The following TTC28 variants were observed in gnomAD, a reference collection of about 807,000 sequenced individuals.
TTC28 encodes the protein tetratricopeptide repeat domain 28.
TTC28 carries 61 observed loss-of-function variants against 198.0 expected under a neutral mutation model. The ratio of observed to expected loss-of-function variants is 0.31; its 90% CI spans 0.25 to 0.38. TTC28 has a LOEUF of 0.38. Among genes scored for constraint, TTC28 ranks in the 10% least tolerant of loss-of-function variants. TTC28 has a pLI of 1.00. For missense variants in TTC28, 2,678 were observed against 3,164.0 expected (o/e 0.85, Z 3.69); for synonymous variants, 1,171 against 1,297.8 (o/e 0.90, Z 2.10).
Position 28,096,212 on chromosome 22 carries a change from G to A in TTC28, c.3744C>T (p.Ser1248=). ...TACCTGCCCCAGGAGCCAGCAGCCA[G>A]CTATACAGATAGCCTGCAGCCAGGG... The part of the protein sequence containing the change: ...YYSLAAGYLY[S]WLLAPGAGIV... Residue 1248 remains serine, a synonymous_variant, in exon 11 of 23, where the codon AGC becomes AGT. Transcript: ENST00000397906. 1.3e-6 allele frequency: 2 copies of A among 1,549,982 alleles called. No homozygotes were observed. The highest frequency in any genetic ancestry group is 1.7e-6 in the Non-Finnish European group (2 of 1,145,862).
At chr22:28,550,120 C>T (rs576674955) in intron 2 of TTC28, among the ~76,000 whole-genome samples, 1 of 151,982 alleles carries the variant, frequency 6.6e-6, no homozygotes. Flanking sequence ...ATAACATTTG[C>T]CATTTTCAAA....
chr22:28,481,922 A>G (rs982129502), intron 2 of TTC28, among the ~76,000 whole-genome samples: 79 of 152,210 alleles, frequency 5.2e-4, no homozygotes, highest in African/African-American at 1.8e-3. Context: ...GCTCTGTCAT[A>G]CAGTCAGTCA....
At chr22:28,139,703 C>T (rs1300930564) in intron 6 of TTC28, among the ~76,000 whole-genome samples, 1 of 149,898 alleles carries the variant, frequency 6.7e-6, no homozygotes, top group Non-Finnish European at 1.5e-5. Context: ...AGCTGAAGTT[C>T]CTTTTTTTTT....
chr22:28,186,544 A>G lies in TTC28; in HGVS notation c.934-22945T>C, dbSNP rs558306559. On this transcript the variant is annotated intron_variant, in intron 5 of 22. Transcript: ENST00000397906. ...GCTGTGAGTTCAGAGGACCATTTAA[A>G]TGTGCCTTAGTAATACATCTGTGAT... Among the ~76,000 whole-genome samples the G allele has an allele frequency of 2.0e-5, 3 of 152,320 alleles. No homozygotes were observed. In the South Asian group the frequency reaches 6.2e-4, roughly 32 times the overall value.
chr22:28,678,220 T>C (rs1056164582), intron 1 of TTC28, among the ~76,000 whole-genome samples: 11 of 152,206 alleles, frequency 7.2e-5, no homozygotes, highest in African/African-American at 2.7e-4. Context: ...TATGTATTTA[T>C]TTACTTATTT....
intron 2 of TTC28, among the ~76,000 whole-genome samples, chr22:28,544,633 C>T (rs970772437): frequency 1.3e-5 from 2 of 152,118 alleles, no homozygotes; most frequent in African/African-American, 4.8e-5. Context: ...GCACAAGACA[C>T]GGATCACAAA....
chr22:28,433,240 C>A (rs2047460077), intron 2 of TTC28, among the ~76,000 whole-genome samples: 1 of 152,172 alleles, frequency 6.6e-6, no homozygotes. Context: ...AATATACTGT[C>A]TATAAAACTG....
At chr22:28,589,822 G>A (rs573142805) in intron 2 of TTC28, among the ~76,000 whole-genome samples, 191 of 151,776 alleles carry the variant, frequency 1.3e-3, no homozygotes, top group African/African-American at 4.0e-3. Flanking sequence ...GGTAGATCAC[G>A]AGGTCAGGAG....
intron 2 of TTC28, among the ~76,000 whole-genome samples, chr22:28,468,493 C>A (rs977615588): frequency 6.6e-6 from 1 of 151,860 alleles, no homozygotes; most frequent in African/African-American, 2.4e-5. Context: ...TCATTTCTTT[C>A]ATACTTAAAA....
intron 2 of TTC28, among the ~76,000 whole-genome samples, chr22:28,489,253 C>T (rs937131316): frequency 4.0e-5 from 6 of 151,788 alleles, no homozygotes; most frequent in African/African-American, 1.2e-4. Context: ...CACTGCACTC[C>T]AGCCTGGGTG....
intron 1 of TTC28, among the ~76,000 whole-genome samples, chr22:28,657,784 C>T (rs567303330): frequency 1.4e-4 from 21 of 152,074 alleles, no homozygotes; most frequent in Middle Eastern, 3.4e-3. Context: ...GAGGCTGAGA[C>T]GTGAGAATCG....
chr22:28,646,334 A>C (rs2051466477), intron 1 of TTC28, among the ~76,000 whole-genome samples: 1 of 152,206 alleles, frequency 6.6e-6, no homozygotes, highest in African/African-American at 2.4e-5. Context: ...AATACATGGG[A>C]ATATACTTGA....
At chr22:28,247,230 T>C (rs1174498258) in intron 5 of TTC28, among the ~76,000 whole-genome samples, 1 of 152,186 alleles carries the variant, frequency 6.6e-6, no homozygotes, top group Non-Finnish European at 1.5e-5. Context: ...AAACAGATTG[T>C]ACAGTTTGTA....
At chr22:28,040,956 A>G (rs534538719) in intron 12 of TTC28, among the ~76,000 whole-genome samples, 5 of 152,322 alleles carry the variant, frequency 3.3e-5, no homozygotes, top group Non-Finnish European at 7.4e-5. Context: ...ACAAACAGCC[A>G]AATCTTGAGT....
rs1228186511 is a variant in TTC28, at chr22:27,981,819, T to C, written c.*402A>G. ...AGAAAAAGCTCTATTTGTATTTCTG[T>C]GTATAAAAGGTACTGCATATATACC... is the stretch of plus-strand genomic sequence containing the variant. On this transcript the variant is annotated 3_prime_UTR_variant, in exon 23 of 23. Coordinates refer to ENST00000397906, the MANE Select transcript of TTC28 (RefSeq NM_001145418.2). 1 of 166,812 alleles carries C rather than the reference T, an allele frequency of 6.0e-6. No homozygotes were observed. The highest frequency in any genetic ancestry group is 1.3e-5 in the Non-Finnish European group (1 of 78,486). The allele number at this position is 166,812 out of a possible 1,614,324, so 10.3% of individuals were successfully genotyped here.
chr22:28,606,439 GT>G (rs2050737407), intron 2 of TTC28, among the ~76,000 whole-genome samples: 1 of 152,118 alleles, frequency 6.6e-6, no homozygotes, highest in Admixed American at 6.6e-5. Flanking sequence ...TAAAAAGTAT[GT>G]AGGGGTATGT....
At chr22:28,601,813 C>CAA (rs2050643561) in intron 2 of TTC28, among the ~76,000 whole-genome samples, 1 of 151,378 alleles carries the variant, frequency 6.6e-6, no homozygotes, top group African/African-American at 2.4e-5. Flanking sequence ...CACACACACA[C>CAA]ACAGTTCTGG....
At chr22:28,345,457 T>C (rs545944183) in intron 2 of TTC28, among the ~76,000 whole-genome samples, 1 of 152,320 alleles carries the variant, frequency 6.6e-6, no homozygotes, top group East Asian at 1.9e-4. Flanking sequence ...CCCTTGGCCC[T>C]GCTCTTGTAA....
intron 1 of TTC28, among the ~76,000 whole-genome samples, chr22:28,656,210 C>T (rs760158159): frequency 3.3e-5 from 5 of 152,100 alleles, no homozygotes; most frequent in Non-Finnish European, 7.4e-5. Flanking sequence ...TCTAATTTCC[C>T]AGGAGAGGCC....
Sources: gnomAD v4.1 joint callset for allele counts (sites outside exome capture counted in the v4.1 genomes callset) on GRCh38, gnomAD v4.1.1 for gene constraint, MANE v1.5 for transcripts, NCBI Gene and HGNC (gene_info 2026-07-23, HGNC 2026-07-21) for gene names.